SVEP1: variants seen among roughly 807,000 people sequenced by gnomAD.
SVEP1 encodes sushi, von Willebrand factor type A, EGF and pentraxin domain containing 1.
Under a neutral mutation model 367.3 loss-of-function variants are expected in SVEP1, and 164 were observed. The observed-to-expected ratio is 0.45, with a 90% CI of 0.39 to 0.51. The LOEUF (loss-of-function observed/expected upper bound fraction) is 0.51, where lower values mean the gene tolerates loss of function less well. Among genes scored for constraint, SVEP1 ranks in the 20% least tolerant of loss-of-function variants. The probability of loss-of-function intolerance (pLI) is 0.00; values close to 1 mark genes in which losing one functional copy is unlikely to be tolerated. For missense variants in SVEP1, 4,117 were observed against 4,425.3 expected, an observed-to-expected ratio of 0.93 and a Z score of 1.98; for synonymous variants, 1,666 against 1,611.6, an observed-to-expected ratio of 1.03 and a Z score of -0.81.
chr9:110,384,745 GTCTT>G (rs1238818231), intron 43 of SVEP1, among the ~76,000 whole-genome samples: 1 of 152,106 alleles, frequency 6.6e-6, no homozygotes, highest in Admixed American at 6.5e-5. Flanking sequence ...TCAAACTCAG[GTCTT>G]TCTGATTCCA....
intron 1 of SVEP1, among the ~76,000 whole-genome samples, chr9:110,570,033 A>T (rs1830536377): frequency 1.3e-5 from 2 of 152,250 alleles, no homozygotes; most frequent in Non-Finnish European, 2.9e-5. Flanking sequence ...CAAGTGAAGC[A>T]TTGTAACAAC....
intron 47 of SVEP1, among the ~76,000 whole-genome samples, chr9:110,368,388 C>T (rs544533569): frequency 8.5e-5 from 13 of 152,278 alleles, no homozygotes; most frequent in African/African-American, 2.2e-4. Context: ...GCTAGTTAGC[C>T]TTCCCTTGAA....
chr9:110,570,375 T>A (rs1830540969), intron 1 of SVEP1, among the ~76,000 whole-genome samples: 1 of 152,170 alleles, frequency 6.6e-6, no homozygotes. Flanking sequence ...ATTTTCCCTG[T>A]CTCTATCAGT....
At chr9:110,389,452 GAAAATGTAGCC>G in intron 41 of SVEP1, 61 bp downstream of exon 41, 1 of 1,559,008 alleles carries the variant, frequency 6.4e-7, no homozygotes. Flanking sequence ...AACCTATAAA[GAAAATGTAGCC>G]ACACTGTTAT....
chr9:110,427,446 G>A, intron 36 of SVEP1, 145 bp downstream of exon 36: 1 of 923,048 alleles, frequency 1.1e-6, no homozygotes, highest in South Asian at 1.8e-5. Context: ...CTCCGTCTCT[G>A]CAGGTAGGAA....
At chr9:110,456,866 T>G (rs902701261) in intron 21 of SVEP1, among the ~76,000 whole-genome samples, 2 of 152,184 alleles carry the variant, frequency 1.3e-5, no homozygotes. Context: ...AGAACTTCTA[T>G]TAGTGTGTAG....
intron 38 of SVEP1, among the ~76,000 whole-genome samples, chr9:110,405,801 TCA>T (rs1374910151): frequency 1.3e-5 from 2 of 152,214 alleles, no homozygotes; most frequent in Non-Finnish European, 2.9e-5. Flanking sequence ...GTCAATATAA[TCA>T]CAAAGTTATA....
intron 16 of SVEP1, 89 bp from the exon 17 acceptor site, chr9:110,469,190 G>C (rs1210428343): frequency 7.4e-7 from 1 of 1,360,248 alleles, no homozygotes; most frequent in South Asian, 1.5e-5. Flanking sequence ...AAGTAATAAA[G>C]CATGCTTGAA....
chr9:110,433,364 CAAAAA>C (rs10611877), intron 30 of SVEP1, among the ~76,000 whole-genome samples: 823 of 80,508 alleles, frequency 0.01, 5 homozygotes, highest in African/African-American at 0.041. Flanking sequence ...GTAGATAGGC[CAAAAA>C]AAAAAAAAAA....
At chr9:110,536,922 T>A (rs920231148) in intron 3 of SVEP1, among the ~76,000 whole-genome samples, 2 of 152,084 alleles carry the variant, frequency 1.3e-5, no homozygotes, top group Admixed American at 1.3e-4. Context: ...AACTAACAGA[T>A]AGTCATTTAA....
chr9:110,481,174 C>G, intron 12 of SVEP1, 68 bp downstream of exon 12: 1 of 1,234,558 alleles, frequency 8.1e-7, no homozygotes, highest in Non-Finnish European at 1.0e-6. Flanking sequence ...CAATTTTCCT[C>G]TTTAACACTT....
intron 12 of SVEP1, 103 bp from the exon 13 acceptor site, chr9:110,479,859 T>A (rs1829158789): frequency 6.8e-7 from 1 of 1,471,052 alleles, no homozygotes; most frequent in African/African-American, 1.4e-5. Context: ...TCTAACATAA[T>A]TTGTGGGATT....
At chr9:110,479,208 G>A (rs1829147170) in intron 13 of SVEP1, among the ~76,000 whole-genome samples, 1 of 151,652 alleles carries the variant, frequency 6.6e-6, no homozygotes, top group Non-Finnish European at 1.5e-5. Flanking sequence ...GTGAGCCACC[G>A]CGCCTGGTCT....
At position 110,438,177 on chromosome 9, in the gene SVEP1, A is replaced by ATT. The variant is rs10593866; in HGVS notation, c.4640-1675_4640-1674dup. Among the ~76,000 whole-genome samples the ATT allele has an allele frequency of 1.5e-3, 111 of 75,546 alleles. 12 individuals are homozygous for ATT. Among genetic ancestry groups the ATT allele is most frequent in the African/African-American group, 4.0e-3 (79 of 19,826 alleles). 49.6% of individuals were successfully genotyped at this position (75,546 alleles called of 152,430 possible). ...TTTCATGAGTTTTAGTAGTTATGCT[A>ATT]TTTTTTTTTTTTTTTTTTTTTTTTT... On this transcript the variant is annotated intron_variant, in intron 27 of 47. Coordinates refer to ENST00000374469, the MANE Select transcript of SVEP1 (RefSeq NM_153366.4).
intron 36 of SVEP1, among the ~76,000 whole-genome samples, chr9:110,414,489 T>C (rs1828088622): frequency 6.6e-6 from 1 of 152,018 alleles, no homozygotes; most frequent in Admixed American, 6.5e-5. Flanking sequence ...GGCTCAGTTC[T>C]TTGTATGAAG....
intron 21 of SVEP1, among the ~76,000 whole-genome samples, chr9:110,456,138 A>T (rs1828772662): frequency 6.6e-6 from 1 of 152,208 alleles, no homozygotes; most frequent in Non-Finnish European, 1.5e-5. Context: ...GGGTGCACAC[A>T]GGCTTTCTAT....
chr9:110,463,091 TGA>T (rs1828883581), intron 18 of SVEP1, among the ~76,000 whole-genome samples: 1 of 152,094 alleles, frequency 6.6e-6, no homozygotes, highest in African/African-American at 2.4e-5. Flanking sequence ...TTTCCTAAGA[TGA>T]GGTCAGAGGT....
chr9:110,388,503 G>A (rs1827560924), intron 41 of SVEP1, among the ~76,000 whole-genome samples: 1 of 151,878 alleles, frequency 6.6e-6, no homozygotes, highest in Admixed American at 6.6e-5. Context: ...TTATACTGAG[G>A]GCTACTTTTC....
chr9:110,450,022 A>G, intron 24 of SVEP1, 37 bp downstream of exon 24: 1 of 1,608,392 alleles, frequency 6.2e-7, no homozygotes, highest in Non-Finnish European at 8.5e-7. Context: ...AGTTTAAAAA[A>G]TAAAAACAGT....
Sources: allele counts gnomAD v4.1 joint callset (sites outside exome capture counted in the v4.1 genomes callset), GRCh38; gene constraint gnomAD v4.1.1; transcripts MANE v1.5; gene names NCBI Gene and HGNC (gene_info 2026-07-23, HGNC 2026-07-21).